The following PCGF3 variants were observed in gnomAD, a reference collection of about 807,000 sequenced individuals.
The protein encoded by PCGF3 is polycomb group RING finger protein 3.
A neutral mutation model predicts 33.1 loss-of-function variants in PCGF3; 7 were observed. The ratio of observed to expected loss-of-function variants is 0.21; its 90% CI spans 0.12 to 0.40. The LOEUF (loss-of-function observed/expected upper bound fraction) is 0.40, where lower values mean the gene tolerates loss of function less well. Among genes scored for constraint, PCGF3 ranks in the 10% least tolerant of loss-of-function variants. The pLI is 1.00. For synonymous variants in PCGF3, 153 were observed against 121.3 expected (o/e 1.26, Z -1.72); for missense variants, 211 against 313.3 (o/e 0.67, Z 2.46).
Position 765,016 on chromosome 4 carries a change from C to T in PCGF3, c.633C>T (p.Gly211=), listed in dbSNP as rs780846695. The change falls in exon 10 of 11, where the codon GGC becomes GGT. Residue 211 remains glycine (G), a synonymous_variant. Coordinates refer to ENST00000362003, the Ensembl canonical transcript of PCGF3. ...TTTTATGCAACGAGGAGATCCTGGG[C>T]AAGGACCACACACTCAAGTTCGTGG... 17 of 1,613,804 alleles carry T rather than the reference C, an allele frequency of 1.1e-5. No individual in the cohort carries two copies. In the South Asian group the frequency reaches 1.3e-4, roughly 13 times the overall value.
At chr4:758,541 CG>C in intron 8 of PCGF3, among the ~76,000 whole-genome samples, 1 of 132,202 alleles carries the variant, frequency 7.6e-6, no homozygotes. Flanking sequence ...GCCCCTCTCC[CG>C]AGTTCTCCCT....
chr4:767,796 C>T (rs188071577), exon 11 of PCGF3: 23 of 152,758 alleles, frequency 1.5e-4, no homozygotes, highest in African/African-American at 1.9e-4. Flanking sequence ...TCATCCAAAT[C>T]ATTTTCTAGA....
At chr4:765,882 T>C in intron 10 of PCGF3, 150 bp from the exon 11 acceptor site, 1 of 683,312 alleles carries the variant, frequency 1.5e-6, no homozygotes, top group South Asian at 1.8e-5. Context: ...GGGGGACCCT[T>C]CTGTTGCTCA....
intron 1 of PCGF3, among the ~76,000 whole-genome samples, chr4:727,372 C>G (rs915458599): frequency 1.3e-5 from 2 of 151,022 alleles, no homozygotes; most frequent in South Asian, 4.2e-4. Context: ...TCTCGAACAG[C>G]TGGGAGTACA....
intron 1 of PCGF3, among the ~76,000 whole-genome samples, chr4:712,951 T>C (rs73221103): frequency 0.26 from 38,961 of 152,108 alleles, 5,350 homozygotes; most frequent in South Asian, 0.36. Flanking sequence ...CCGTTGGCCT[T>C]GTGGGTCTTA....
At chr4:711,659 T>A (rs1742576520) in intron 1 of PCGF3, among the ~76,000 whole-genome samples, 1 of 150,880 alleles carries the variant, frequency 6.6e-6, no homozygotes. Flanking sequence ...GGGTTTCACC[T>A]TGTTAGCCAG....
chr4:716,428 A>C (rs1273466828), intron 1 of PCGF3, among the ~76,000 whole-genome samples: 3 of 140,604 alleles, frequency 2.1e-5, no homozygotes, highest in African/African-American at 8.2e-5. Flanking sequence ...TGAGTGTGAG[A>C]ACTGGGCGTC....
At chr4:760,847 C>T (rs1745015388) in intron 8 of PCGF3, among the ~76,000 whole-genome samples, 1 of 152,246 alleles carries the variant, frequency 6.6e-6, no homozygotes, top group Non-Finnish European at 1.5e-5. Flanking sequence ...TGACCTTCCG[C>T]CTGTGGCCCT....
rs1428884914 is a variant in PCGF3, at chr4:721,799, G to T, written c.-189-8831G>T. ...TTGGGTGGCTCTGTGTATGGGCATG[G>T]GGAGGGGCCTGTGGGAGGTGGGTGG... On this transcript the variant is annotated intron_variant, in intron 1 of 10. Transcript: ENST00000362003. The surrounding 1 kb of genome is among the most constrained non-coding windows in gnomAD (Gnocchi z 4.1). Among the ~76,000 whole-genome samples, 38 of 126,022 alleles carry T rather than the reference G, an allele frequency of 3.0e-4. No homozygotes were observed. The highest frequency in any genetic ancestry group is 9.2e-4 in the African/African-American group (35 of 38,090). The allele number at this position is 126,022 out of a possible 152,430, so 82.7% of individuals were successfully genotyped here.
At chr4:769,289 G>A (rs1044147) in exon 11 of PCGF3, 8,044 of 152,812 alleles carry the variant, frequency 0.053, 298 homozygotes, top group East Asian at 0.12. Context: ...CAACAGAACA[G>A]TGTTCACAGC....
At chr4:737,567 C>G (rs777860678) in intron 6 of PCGF3, 46 bp downstream of exon 6, 5 of 1,220,754 alleles carry the variant, frequency 4.1e-6, no homozygotes, top group East Asian at 4.6e-5. Flanking sequence ...CCAGCCTGGC[C>G]TCTGCAGCCC....
At chr4:725,931 C>T (rs893144404) in intron 1 of PCGF3, among the ~76,000 whole-genome samples, 9 of 152,174 alleles carry the variant, frequency 5.9e-5, no homozygotes, top group African/African-American at 2.2e-4. Context: ...GCCCCAGGGC[C>T]ACTCTCCGCC....
At position 763,123 on chromosome 4, in the gene PCGF3, A is replaced by G. The variant is rs576754437; in HGVS notation, c.600+1707A>G. ...CACGGGCTGCCTGGAGATCATGGAGAAACCAAGTCAGGACACGGGGGGAAG... is the reference window on the plus strand; with the variant it reads ...CACGGGCTGCCTGGAGATCATGGAGGAACCAAGTCAGGACACGGGGGGAAG... On this transcript the variant is annotated intron_variant, in intron 9 of 10. Transcript: ENST00000362003. Among the ~76,000 whole-genome samples the G allele has an allele frequency of 7.2e-5, 11 of 152,134 alleles. No homozygotes were observed. In the South Asian group the frequency reaches 2.1e-3, roughly 29 times the overall value.
rs753907311 is a variant in PCGF3 at position 766,010 on chromosome 4, T to C, written c.682-22T>C. On this transcript the variant is annotated intron_variant, in intron 10 of 10. Transcript: ENST00000362003. ...GCCTCCACCCCTGCTAAGCAGGCAC[T>C]GTGCGTTCTTGTGTCTTCCAGAAGG... is the stretch of plus-strand genomic sequence containing the variant. 21 of 1,612,916 alleles carry C rather than the reference T, an allele frequency of 1.3e-5. 1 individual carries two copies. The Admixed American group carries it at 2.3e-4, about 18-fold the overall frequency.
chr4:743,418 A>C, intron 6 of PCGF3, 56 bp from the exon 7 acceptor site: 1 of 998,388 alleles, frequency 1.0e-6, no homozygotes, highest in Non-Finnish European at 1.6e-6. Context: ...TATGAACAGA[A>C]GTTTAATAGA....
chr4:707,494 TGGGACAGCCTGTTTTCACCCGGGGGCC>T (rs1742361387), intron 1 of PCGF3, among the ~76,000 whole-genome samples: 2 of 132,514 alleles, frequency 1.5e-5, no homozygotes, highest in African/African-American at 5.3e-5. Context: ...GCCGGGACCC[TGGGACAGCCTGTTTTCACCCGGGGGCC>T]GGGACCCTGG....
chr4:736,652 T>C (rs1251177416), intron 5 of PCGF3, among the ~76,000 whole-genome samples: 1 of 93,086 alleles, frequency 1.1e-5, no homozygotes, highest in Non-Finnish European at 2.2e-5. Context: ...GAACCCGTGG[T>C]GTCCACAGGG....
At chr4:758,673 T>C (rs1744904492) in intron 8 of PCGF3, among the ~76,000 whole-genome samples, 2 of 93,660 alleles carry the variant, frequency 2.1e-5, no homozygotes, top group Admixed American at 1.0e-4. Context: ...TCCAGGTCTT[T>C]CTCCCCGCGC....
chr4:748,242 C>T (rs1744354379), intron 8 of PCGF3, among the ~76,000 whole-genome samples: 1 of 151,870 alleles, frequency 6.6e-6, no homozygotes, highest in African/African-American at 2.4e-5. Context: ...TCTTGTCTGC[C>T]AGGCTGGAAT....
Sources: gnomAD v4.1 joint callset for allele counts (sites outside exome capture counted in the v4.1 genomes callset) on GRCh38, gnomAD v4.1.1 for gene constraint, Gnocchi (gnomAD v3.1) non-coding constraint, MANE v1.5 for transcripts, NCBI Gene and HGNC (gene_info 2026-07-23, HGNC 2026-07-21) for gene names.